IL1RAPL2: variants seen among roughly 807,000 people sequenced by gnomAD.
The protein encoded by IL1RAPL2 is X-linked interleukin-1 receptor accessory protein-like 2.
IL1RAPL2 carries 3 observed loss-of-function variants against 44.1 expected under a neutral mutation model. The ratio of observed to expected loss-of-function variants is 0.07; its 90% CI spans 0.03 to 0.18. The LOEUF is 0.18. Among genes scored for constraint, IL1RAPL2 ranks in the 10% least tolerant of loss-of-function variants. The pLI is 1.00. For missense variants in IL1RAPL2, 391 were observed against 496.4 expected (o/e 0.79, Z 2.02); for synonymous variants, 181 against 178.8 (o/e 1.01, Z -0.10).
chrX:105,329,105 A>G (rs1444207717), intron 5 of IL1RAPL2, among the ~76,000 whole-genome samples: 3 of 112,394 alleles, frequency 2.7e-5, no homozygotes, highest in Non-Finnish European at 5.6e-5. Context: ...GTCATTAGAA[A>G]ATATTTTTCT....
intron 5 of IL1RAPL2, among the ~76,000 whole-genome samples, chrX:105,342,557 C>T (rs1001541395): frequency 3.6e-5 from 4 of 111,487 alleles, no homozygotes; most frequent in Admixed American, 9.6e-5. Flanking sequence ...AATGGAAGAT[C>T]GCTAGATAGC....
At chrX:105,515,772 G>A (rs1320799325) in intron 6 of IL1RAPL2, among the ~76,000 whole-genome samples, 3 of 111,950 alleles carry the variant, frequency 2.7e-5, no homozygotes. Flanking sequence ...ACGAACCTGT[G>A]ACTAGGGAGT....
intron 2 of IL1RAPL2, among the ~76,000 whole-genome samples, chrX:104,908,488 G>A (rs1341912198): frequency 9.0e-6 from 1 of 110,997 alleles, no homozygotes; most frequent in East Asian, 2.8e-4. Flanking sequence ...AGCTCTTTTA[G>A]GGCAGGCCTG....
At chrX:104,842,870 C>A (rs1921948130) in intron 2 of IL1RAPL2, among the ~76,000 whole-genome samples, 1 of 112,664 alleles carries the variant, frequency 8.9e-6, no homozygotes, top group African/African-American at 3.2e-5. Flanking sequence ...GCACGGGGGT[C>A]AGGTACACAC....
At chrX:105,422,320 C>A (rs1384092968) in intron 5 of IL1RAPL2, among the ~76,000 whole-genome samples, 1 of 111,391 alleles carries the variant, frequency 9.0e-6, no homozygotes, top group Non-Finnish European at 1.9e-5. Flanking sequence ...CTTTACTTAC[C>A]CCGGGTTAGG....
intron 5 of IL1RAPL2, among the ~76,000 whole-genome samples, chrX:105,271,275 T>C (rs983219384): frequency 8.9e-6 from 1 of 112,112 alleles, no homozygotes; most frequent in African/African-American, 3.2e-5. Flanking sequence ...GGAAATTTCT[T>C]TTTATTCCTT....
chrX:105,287,967 A>C (rs1168148984), intron 5 of IL1RAPL2, among the ~76,000 whole-genome samples: 1 of 111,394 alleles, frequency 9.0e-6, no homozygotes, highest in Non-Finnish European at 1.9e-5. Flanking sequence ...ATCAACAAGT[A>C]GTTACAGTGC....
rs371812667 is a variant in IL1RAPL2, at chrX:104,703,505, C to T, written c.82+44510C>T. On this transcript the variant is annotated intron_variant, in intron 2 of 10. Transcript: ENST00000372582. Reference sequence around the variant, plus strand: ...ACTGTTTCCTTCATCAGACTGTCAGCTAAGGACAGGGTCATGTCTTATTCT... The same window carrying T: ...ACTGTTTCCTTCATCAGACTGTCAGTTAAGGACAGGGTCATGTCTTATTCT... Among the ~76,000 whole-genome samples the T allele has an allele frequency of 3.7e-4, 41 of 111,984 alleles. 3 individuals carry two copies. The highest frequency in any genetic ancestry group is 2.8e-3 in the Admixed American group (29 of 10,518).
In IL1RAPL2 at chrX:105,171,056, A is replaced by ATGT. The variant is rs2033418978; in HGVS notation, c.83-24417_83-24416insTTG. On this transcript the variant is annotated intron_variant, in intron 2 of 10. Coordinates refer to ENST00000372582, the MANE Select transcript of IL1RAPL2 (RefSeq NM_017416.2). Reference sequence around the variant, plus strand: ...TTGAGCCAGCAGACTGAGATAAAAGATGCAATAGGATTTTAAAAGAAAGTT... The same window carrying ATGT: ...TTGAGCCAGCAGACTGAGATAAAAGATGTTGCAATAGGATTTTAAAAGAAAGTT... Among the ~76,000 whole-genome samples the ATGT allele has an allele frequency of 3.6e-5, 4 of 111,680 alleles. No homozygotes were observed. The Admixed American group carries it at 3.8e-4, about 11-fold the overall frequency.
intron 2 of IL1RAPL2, among the ~76,000 whole-genome samples, chrX:104,920,254 CT>C (rs1385308073): frequency 6.3e-5 from 7 of 111,461 alleles, no homozygotes; most frequent in Non-Finnish European, 1.1e-4. Flanking sequence ...ACTTTTTCCC[CT>C]GATTCACCTT....
chrX:105,425,396 G>C (rs2147747808), intron 5 of IL1RAPL2, among the ~76,000 whole-genome samples: 1 of 110,655 alleles, frequency 9.0e-6, no homozygotes, highest in South Asian at 3.9e-4. Flanking sequence ...GAGTATACAG[G>C]AAAAAGGAAA....
At chrX:105,619,993 G>C (rs1430910637) in intron 6 of IL1RAPL2, among the ~76,000 whole-genome samples, 3 of 110,797 alleles carry the variant, frequency 2.7e-5, no homozygotes, top group African/African-American at 9.8e-5. Flanking sequence ...GACTAGATGA[G>C]ATCATGTCCC....
chrX:104,605,470 G>C (rs1431254150), intron 1 of IL1RAPL2, among the ~76,000 whole-genome samples: 1 of 111,511 alleles, frequency 9.0e-6, no homozygotes, highest in Non-Finnish European at 1.9e-5. Flanking sequence ...ACTAAGATCA[G>C]AGTGGAACTG....
At chrX:104,813,862 G>A (rs1404512177) in intron 2 of IL1RAPL2, among the ~76,000 whole-genome samples, 1 of 111,564 alleles carries the variant, frequency 9.0e-6, no homozygotes, top group African/African-American at 3.3e-5. Context: ...CAGCATTTGG[G>A]GAGTTATTAG....
intron 1 of IL1RAPL2, among the ~76,000 whole-genome samples, chrX:104,638,830 T>G (rs1230952359): frequency 1.8e-5 from 2 of 112,339 alleles, no homozygotes; most frequent in Non-Finnish European, 1.9e-5. Flanking sequence ...GAATATGTAT[T>G]CTGAAGTTGC....
At chrX:104,805,300 G>A (rs191195503) in intron 2 of IL1RAPL2, among the ~76,000 whole-genome samples, 25 of 111,778 alleles carry the variant, frequency 2.2e-4, no homozygotes, top group Non-Finnish European at 4.3e-4. Flanking sequence ...TCATCACCAC[G>A]GTCTGATTGA....
chrX:105,356,487 A>G (rs191928221), intron 5 of IL1RAPL2, among the ~76,000 whole-genome samples: 28 of 111,598 alleles, frequency 2.5e-4, no homozygotes, highest in African/African-American at 8.1e-4. Context: ...ATAAGGCAGG[A>G]AGCTTCTTTT....
chrX:105,093,459 C>G (rs184452865), intron 2 of IL1RAPL2, among the ~76,000 whole-genome samples: 10 of 110,950 alleles, frequency 9.0e-5, no homozygotes, highest in African/African-American at 2.9e-4. Context: ...CATTTGTGTG[C>G]TAGAAGCTGG....
chrX:104,643,924 G>A (rs1929984791), intron 1 of IL1RAPL2, among the ~76,000 whole-genome samples: 1 of 111,399 alleles, frequency 9.0e-6, no homozygotes, highest in Non-Finnish European at 1.9e-5. Context: ...GGGTAATGAG[G>A]TTGGTCCACT....
Sources: gnomAD v4.1 joint callset for allele counts (sites outside exome capture counted in the v4.1 genomes callset) on GRCh38, gnomAD v4.1.1 for gene constraint, MANE v1.5 for transcripts, NCBI Gene and HGNC (gene_info 2026-07-23, HGNC 2026-07-21) for gene names.